LRRC28: variants seen among roughly 807,000 people sequenced by gnomAD.
LRRC28 encodes the protein leucine-rich repeat-containing protein 28.
A neutral mutation model predicts 45.7 loss-of-function variants in LRRC28; 39 were observed. That is an observed-to-expected ratio of 0.85 (90% CI 0.66 to 1.12). The LOEUF is 1.12. LRRC28 is among the 50% of genes most tolerant of loss of function. The pLI is 0.00. For missense variants in LRRC28, 435 were observed against 438.5 expected (o/e 0.99, Z 0.07); for synonymous variants, 206 against 178.8 (o/e 1.15, Z -1.22).
rs192844769 is a variant in LRRC28, at chr15:99,354,057, T to C, written c.695+1586T>C. ...TGTTATAGTAATAGAGAAATAAAAT[T>C]ATTAACAGGATAGTATCAAACAACC... On this transcript the variant is annotated intron_variant, in intron 7 of 9. Transcript: ENST00000301981. The C allele has an allele frequency of 6.7e-4, 102 of 152,332 alleles. No homozygotes were observed. The East Asian group carries it at 0.018, about 28-fold the overall frequency. 9.4% of individuals were successfully genotyped at this position (152,332 alleles called of 1,614,324 possible).
At chr15:99,296,751 C>T (rs1406315376) in intron 5 of LRRC28, among the ~76,000 whole-genome samples, 2 of 151,980 alleles carry the variant, frequency 1.3e-5, no homozygotes, top group Non-Finnish European at 2.9e-5. Flanking sequence ...AGAAAGTGGG[C>T]ACTAAGAAGG....
intron 5 of LRRC28, among the ~76,000 whole-genome samples, chr15:99,324,441 C>T (rs1282462634): frequency 6.6e-6 from 1 of 151,950 alleles, no homozygotes; most frequent in Non-Finnish European, 1.5e-5. Flanking sequence ...TTTAGTGGTA[C>T]CGGAAAAAGC....
chr15:99,315,387 A>G (rs1448075103), intron 5 of LRRC28, among the ~76,000 whole-genome samples: 3 of 152,080 alleles, frequency 2.0e-5, no homozygotes, highest in African/African-American at 7.2e-5. Context: ...AACCAAATGA[A>G]CTTTCTTATT....
At chr15:99,300,504 C>G (rs2082369540) in intron 5 of LRRC28, among the ~76,000 whole-genome samples, 2 of 151,996 alleles carry the variant, frequency 1.3e-5, no homozygotes, top group South Asian at 4.1e-4. Flanking sequence ...TAAAGCAGAA[C>G]AAATGTACAT....
intron 5 of LRRC28, 175 bp from the exon 6 acceptor site, chr15:99,333,748 T>A: frequency 3.0e-6 from 2 of 658,820 alleles, no homozygotes; most frequent in Non-Finnish European, 5.2e-6. Flanking sequence ...TTAAAAACAC[T>A]CACCTAGCTT....
In LRRC28 at chr15:99,389,299, A is replaced by T. The variant is rs543412102; in HGVS notation, c.*3197A>T. On this transcript the variant is annotated 3_prime_UTR_variant, in exon 10 of 10. Coordinates refer to ENST00000301981, the MANE Select transcript of LRRC28 (RefSeq NM_144598.5). ...TTAAAATCTTTACAGTCTAGGGGGA[A>T]AAAAAGGCTTCAATACCAGTTGGCT... 9.2e-5 allele frequency: 14 copies of T among 152,132 alleles called. No homozygotes were observed. The highest frequency in any genetic ancestry group is 2.1e-4 in the Non-Finnish European group (14 of 68,016). The allele number at this position is 152,132 out of a possible 1,614,324, so 9.4% of individuals were successfully genotyped here.
At chr15:99,334,175 A>G in intron 6 of LRRC28, 46 bp downstream of exon 6, 1 of 1,603,290 alleles carries the variant, frequency 6.2e-7, no homozygotes, top group Non-Finnish European at 8.5e-7. Flanking sequence ...ATAAGATGGA[A>G]AGCCTTTGTT....
intron 5 of LRRC28, among the ~76,000 whole-genome samples, chr15:99,307,785 T>G (rs1471076463): frequency 6.6e-6 from 1 of 152,230 alleles, no homozygotes. Flanking sequence ...ATCCTGCAAT[T>G]GAAAATCTTG....
intron 9 of LRRC28, among the ~76,000 whole-genome samples, chr15:99,364,110 G>A (rs1957280050): frequency 6.6e-6 from 1 of 151,914 alleles, no homozygotes. Flanking sequence ...TCCCTCCTTC[G>A]TTTCTTAGTC....
At chr15:99,302,849 C>T (rs1440199801) in intron 5 of LRRC28, among the ~76,000 whole-genome samples, 1 of 152,110 alleles carries the variant, frequency 6.6e-6, no homozygotes, top group Non-Finnish European at 1.5e-5. Context: ...ATAACCTCAT[C>T]TTTTATTGCT....
At chr15:99,378,335 C>T (rs1361824151) in intron 9 of LRRC28, among the ~76,000 whole-genome samples, 1 of 152,152 alleles carries the variant, frequency 6.6e-6, no homozygotes, top group Non-Finnish European at 1.5e-5. Context: ...CATGATTTGG[C>T]TTTCTGTCTG....
chr15:99,297,855 A>G (rs1250678629), intron 5 of LRRC28, among the ~76,000 whole-genome samples: 1 of 152,046 alleles, frequency 6.6e-6, no homozygotes, highest in Non-Finnish European at 1.5e-5. Flanking sequence ...AGCTTTGAAA[A>G]TTTGGCAAAA....
chr15:99,358,064 G>A (rs1342912046), intron 7 of LRRC28, among the ~76,000 whole-genome samples: 1 of 152,060 alleles, frequency 6.6e-6, no homozygotes, highest in Non-Finnish European at 1.5e-5. Context: ...CTCAAGATAT[G>A]CTACCAAAAA....
At chr15:99,251,802 C>A (rs747750289) in intron 1 of LRRC28, 1 of 152,268 alleles carries the variant, frequency 6.6e-6, no homozygotes, top group Non-Finnish European at 1.5e-5. Flanking sequence ...CCAACTGTAA[C>A]GATCTCAGTG....
intron 5 of LRRC28, among the ~76,000 whole-genome samples, chr15:99,288,769 T>G (rs1278175037): frequency 6.6e-6 from 1 of 151,884 alleles, no homozygotes. Flanking sequence ...AGCCTCCGCC[T>G]CCCGGGTTCA....
chr15:99,340,518 T>C (rs1475125010), intron 6 of LRRC28, among the ~76,000 whole-genome samples: 1 of 152,250 alleles, frequency 6.6e-6, no homozygotes, highest in Non-Finnish European at 1.5e-5. Flanking sequence ...AACCAGTTAA[T>C]AATTTCCTAA....
chr15:99,306,843 G>GT (rs1955200707), intron 5 of LRRC28, among the ~76,000 whole-genome samples: 1 of 152,202 alleles, frequency 6.6e-6, no homozygotes, highest in Non-Finnish European at 1.5e-5. Flanking sequence ...TTTGCTGAGT[G>GT]TTTGAGCACG....
intron 3 of LRRC28, among the ~76,000 whole-genome samples, chr15:99,280,387 ACT>A (rs1282179914): frequency 2.0e-5 from 3 of 148,156 alleles, no homozygotes; most frequent in South Asian, 4.3e-4. Context: ...GGTCCCAAAG[ACT>A]CTCTCCTTTC....
intron 3 of LRRC28, chr15:99,285,846 TC>T (rs2081945029): frequency 2.6e-6 from 1 of 388,322 alleles, no homozygotes; most frequent in Non-Finnish European, 5.0e-6. Flanking sequence ...AGGTATTCCT[TC>T]CTAAAATTAA....
Sources: allele counts gnomAD v4.1 joint callset (sites outside exome capture counted in the v4.1 genomes callset), GRCh38; gene constraint gnomAD v4.1.1; transcripts MANE v1.5; gene names NCBI Gene and HGNC (gene_info 2026-07-23, HGNC 2026-07-21).